The following PPIP5K2 variants were observed in gnomAD, a reference collection of about 807,000 sequenced individuals.
PPIP5K2 encodes inositol hexakisphosphate and diphosphoinositol-pentakisphosphate kinase 2.
PPIP5K2 carries 105 observed loss-of-function variants against 154.6 expected under a neutral mutation model. The observed-to-expected ratio is 0.68, with a 90% confidence interval of 0.58 to 0.80. The LOEUF (loss-of-function observed/expected upper bound fraction) is 0.80, where lower values mean the gene tolerates loss of function less well. Among genes scored for constraint, PPIP5K2 ranks in the 30% least tolerant of loss-of-function variants. The probability of loss-of-function intolerance (pLI) is 0.00; values close to 1 mark genes in which losing one functional copy is unlikely to be tolerated. For synonymous variants in PPIP5K2, 480 were observed against 490.3 expected, an observed-to-expected ratio of 0.98 and a Z score of 0.28; for missense variants, 992 against 1,504.6, an observed-to-expected ratio of 0.66 and a Z score of 5.64.
At chr5:103,199,302 T>A (rs1000707733) in intron 30 of PPIP5K2, among the ~76,000 whole-genome samples, 2 of 152,162 alleles carry the variant, frequency 1.3e-5, no homozygotes, top group Non-Finnish European at 2.9e-5. Flanking sequence ...AGCCTGAAGT[T>A]TTTTAGCATT....
At chr5:103,174,074 GT>G in intron 21 of PPIP5K2, 102 bp downstream of exon 21, 2 of 884,352 alleles carry the variant, frequency 2.3e-6, no homozygotes, top group Non-Finnish European at 3.4e-6. Flanking sequence ...TCATCCTTAA[GT>G]TTTACTACTT....
rs915208860 is a variant in PPIP5K2, at chr5:103,203,264, A to G, written c.*1630A>G. The G allele has an allele frequency of 6.6e-6, 1 of 152,406 alleles. No individual in the cohort carries two copies. The allele number at this position is 152,406 out of a possible 1,614,324, so 9.4% of individuals were successfully genotyped here. A position where few individuals can be genotyped will look rare whatever the true frequency, so the allele number is the denominator to read the frequency against. ...TCTTATCTCTTACTTTTTAGTTTTC[A>G]AAGTAGAAAAAATCAGGAATTTTTT... On this transcript the variant is annotated 3_prime_UTR_variant, in exon 31 of 31. Transcript: ENST00000358359.
chr5:103,201,916 C>T lies in PPIP5K2; in HGVS notation c.*282C>T, dbSNP rs1803084575. 9.8e-6 allele frequency: 3 copies of T among 307,284 alleles called. No homozygotes were observed. Among genetic ancestry groups the T allele is most frequent in the South Asian group, 4.0e-5 (1 of 25,084 alleles). The allele number at this position is 307,284 out of a possible 1,614,324, so 19.0% of individuals were successfully genotyped here. The stretch of plus-strand genomic sequence containing the variant: ...AAGGAACATAAAAGCCCAGCAGGCT[C>T]GTACCAAAGTCACAGCAGTAATGCT... On this transcript the variant is annotated 3_prime_UTR_variant, in exon 31 of 31. Transcript: ENST00000358359.
In PPIP5K2 at chr5:103,211,938, G is replaced by C. The variant is rs1338158334; in HGVS notation, c.*10304G>C. On this transcript the variant is annotated 3_prime_UTR_variant, in exon 31 of 31. Transcript: ENST00000358359. ...AGGTGAAAAGCAAGAATTAAAACTAGTTATCTGAATGTAAAAGGAATCAAC... is the reference window on the plus strand; with the variant it reads ...AGGTGAAAAGCAAGAATTAAAACTACTTATCTGAATGTAAAAGGAATCAAC... The C allele has an allele frequency of 4.6e-5, 7 of 152,104 alleles. No homozygotes were observed. The highest frequency in any genetic ancestry group is 1.0e-4 in the Non-Finnish European group (7 of 67,974). The allele number at this position is 152,104 out of a possible 1,614,324, so 9.4% of individuals were successfully genotyped here.
At chr5:103,168,388 C>A in intron 19 of PPIP5K2, 93 bp downstream of exon 19, 1 of 914,172 alleles carries the variant, frequency 1.1e-6, no homozygotes, top group Non-Finnish European at 1.7e-6. Context: ...GTTTTCATGT[C>A]CTTGGAAAAC....
At chr5:103,162,288 A>G (rs1471494824) in intron 17 of PPIP5K2, among the ~76,000 whole-genome samples, 2 of 150,352 alleles carry the variant, frequency 1.3e-5, no homozygotes, top group East Asian at 1.9e-4. Context: ...TCTTTGTTAC[A>G]TGTAGATAAC....
intron 5 of PPIP5K2, among the ~76,000 whole-genome samples, chr5:103,140,709 C>T (rs1394025315): frequency 4.0e-5 from 6 of 151,078 alleles, no homozygotes; most frequent in Non-Finnish European, 8.9e-5. Context: ...CAGTGGCGGG[C>T]GCCTGTAGTC....
chr5:103,175,999 C>G (rs1798646715), intron 21 of PPIP5K2, among the ~76,000 whole-genome samples: 1 of 152,018 alleles, frequency 6.6e-6, no homozygotes, highest in Admixed American at 6.6e-5. Context: ...TAAAATCTTA[C>G]TCAGTATATT....
intron 24 of PPIP5K2, among the ~76,000 whole-genome samples, chr5:103,181,266 T>A (rs1314572147): frequency 6.6e-6 from 1 of 151,976 alleles, no homozygotes; most frequent in Non-Finnish European, 1.5e-5. Flanking sequence ...AATGCTCTAG[T>A]AAAAGTATAA....
chr5:103,206,230 C>CGGG lies in PPIP5K2; in HGVS notation c.*4596_*4597insGGG, dbSNP rs1803506829. 1.3e-5 allele frequency: 2 copies of CGGG among 152,178 alleles called. No homozygotes were observed. Among genetic ancestry groups the CGGG allele is most frequent in the Admixed American group, 1.3e-4 (2 of 15,280 alleles). The allele number at this position is 152,178 out of a possible 1,614,324, so 9.4% of individuals were successfully genotyped here. On this transcript the variant is annotated 3_prime_UTR_variant, in exon 31 of 31. Coordinates refer to ENST00000358359, the MANE Select transcript of PPIP5K2 (RefSeq NM_001276277.3). ...TATTGTCATCAAAAGCCCAAGTGAC[C>CGGG]TCCCTTGTCACCTCTGGCATAGTAT...
At chr5:103,159,380 G>A (rs1554214922) in intron 17 of PPIP5K2, 52 bp downstream of exon 17, 1 of 1,409,010 alleles carries the variant, frequency 7.1e-7, no homozygotes. Context: ...ACACAGAAAA[G>A]TGATAAGTGC....
At chr5:103,174,239 G>A (rs781888902) in intron 21 of PPIP5K2, 4 of 283,830 alleles carry the variant, frequency 1.4e-5, no homozygotes, top group Non-Finnish European at 2.6e-5. Context: ...GTAGCCTGAT[G>A]AATTTGAGTC....
At chr5:103,189,070 C>G (rs1301277098) in intron 28 of PPIP5K2, 22 of 867,438 alleles carry the variant, frequency 2.5e-5, no homozygotes, top group Non-Finnish European at 3.9e-5. Context: ...TAACACATAT[C>G]ATGGACTTAC....
chr5:103,149,474 A>G (rs1794265510), intron 8 of PPIP5K2, among the ~76,000 whole-genome samples, 161 bp downstream of exon 8: 1 of 152,204 alleles, frequency 6.6e-6, no homozygotes, highest in Non-Finnish European at 1.5e-5. Context: ...TGTGGTGCCA[A>G]TATATTCTTT....
intron 30 of PPIP5K2, among the ~76,000 whole-genome samples, chr5:103,196,353 C>T (rs1802091366): frequency 6.6e-6 from 1 of 152,116 alleles, no homozygotes; most frequent in Non-Finnish European, 1.5e-5. Context: ...TATCTTAAAC[C>T]ACAAATCTTA....
At position 103,186,407 on chromosome 5, in the gene PPIP5K2, G is replaced by A. The variant is rs781956657; in HGVS notation, c.3257G>A (p.Arg1086His). The change falls in exon 27 of 31, where the codon CGT (arginine) becomes CAT (histidine). Residue 1086 changes from arginine to histidine, a missense_variant. By Grantham distance (29) the Arg-to-His change is conservative. Coordinates refer to ENST00000358359, the MANE Select transcript of PPIP5K2 (RefSeq NM_001276277.3). ...PNLQDYARTH[R>H]KKLTSSGCID... ...CTACAGGATTATGCTCGTACTCATCGTAAAAAGCTGACCTCTTCTGGCTGC... is the reference window on the plus strand; with the variant it reads ...CTACAGGATTATGCTCGTACTCATCATAAAAAGCTGACCTCTTCTGGCTGC... 8.7e-6 allele frequency: 14 copies of A among 1,613,734 alleles called. No individual in the cohort carries two copies. The Admixed American group carries it at 1.0e-4, about 12-fold the overall frequency.
At chr5:103,128,645 A>G (rs1348950895) in intron 1 of PPIP5K2, among the ~76,000 whole-genome samples, 1 of 152,136 alleles carries the variant, frequency 6.6e-6, no homozygotes, top group Admixed American at 6.6e-5. Context: ...AATCACATAA[A>G]ATTCTTGCAG....
intron 10 of PPIP5K2, 57 bp from the exon 11 acceptor site, chr5:103,153,791 T>G: frequency 8.0e-7 from 1 of 1,244,804 alleles, no homozygotes; most frequent in Non-Finnish European, 1.1e-6. Flanking sequence ...TTAATCTGAA[T>G]TATACAACAC....
intron 19 of PPIP5K2, among the ~76,000 whole-genome samples, chr5:103,169,307 G>A (rs1797597188): frequency 6.6e-6 from 1 of 151,616 alleles, no homozygotes; most frequent in South Asian, 2.1e-4. Flanking sequence ...AGTAGATCAG[G>A]TATTCCAACC....
Sources: gnomAD v4.1 joint callset for allele counts (sites outside exome capture counted in the v4.1 genomes callset) on GRCh38, gnomAD v4.1.1 for gene constraint, MANE v1.5 for transcripts, NCBI Gene and HGNC (gene_info 2026-07-23, HGNC 2026-07-21) for gene names.